The following HS3ST2 variants were observed in gnomAD, a reference collection of about 807,000 sequenced individuals.
HS3ST2 encodes the protein heparan sulfate-glucosamine 3-sulfotransferase 2.
A neutral mutation model predicts 26.3 loss-of-function variants in HS3ST2; 17 were observed. That is an observed-to-expected ratio of 0.65 (90% confidence interval 0.44 to 0.97). The LOEUF is 0.97. Among genes scored for constraint, HS3ST2 ranks in the 50% least tolerant of loss-of-function variants. HS3ST2 has a pLI of 0.00. For synonymous variants in HS3ST2, 237 were observed against 219.2 expected (o/e 1.08, Z -0.72); for missense variants, 402 against 501.2 (o/e 0.80, Z 1.89).
intron 1 of HS3ST2, among the ~76,000 whole-genome samples, chr16:22,845,266 C>T (rs1311023682): frequency 6.7e-6 from 1 of 148,228 alleles, no homozygotes; most frequent in Admixed American, 6.6e-5. Flanking sequence ...CTGTAGACTA[C>T]TGTAGCATCA....
In HS3ST2 at chr16:22,915,850, T is replaced by C; in HGVS notation, c.*288T>C. On this transcript the variant is annotated 3_prime_UTR_variant, in exon 2 of 2. Transcript: ENST00000261374. ...CATAAAGGGCCTTGGAGAATTGCTT[T>C]AAGAAGAGTGAATGTTCCAATGATG... The C allele has an allele frequency of 2.3e-6, 1 of 426,198 alleles. No homozygotes were observed. 26.4% of individuals were successfully genotyped at this position (426,198 alleles called of 1,614,324 possible).
intron 1 of HS3ST2, among the ~76,000 whole-genome samples, chr16:22,873,233 G>C (rs778159081): frequency 6.6e-6 from 1 of 152,162 alleles, no homozygotes; most frequent in African/African-American, 2.4e-5. Context: ...ATCACTCCAA[G>C]GGAAAACCAG....
At chr16:22,819,153 T>C (rs1596602003) in intron 1 of HS3ST2, among the ~76,000 whole-genome samples, 2 of 106,976 alleles carry the variant, frequency 1.9e-5, no homozygotes, top group African/African-American at 3.8e-5. Flanking sequence ...CCTTCCTTCC[T>C]TCCCTCCTTC....
chr16:22,887,207 A>G (rs1357960085), intron 1 of HS3ST2, among the ~76,000 whole-genome samples: 3 of 152,234 alleles, frequency 2.0e-5, no homozygotes, highest in African/African-American at 7.2e-5. Context: ...TCTTCAGCAC[A>G]TGACCTTGCT....
rs763949552 is a variant in HS3ST2 at position 22,915,487 on chromosome 16, C to T, written c.1029C>T (p.Asp343=). 5.6e-6 allele frequency: 9 copies of T among 1,613,762 alleles called. No individual in the cohort carries two copies. The highest frequency in any genetic ancestry group is 7.6e-6 in the Non-Finnish European group (9 of 1,179,954). The change falls in exon 2 of 2, where the codon GAC becomes GAT. Residue 343 remains aspartate, a synonymous_variant. Coordinates refer to ENST00000261374, the MANE Select transcript of HS3ST2 (RefSeq NM_006043.2). ...TACAGATTGATCCTGAAGTGATAGA[C>T]CAGCTCCGAGAATTTTATAGACCGT... is the stretch of plus-strand genomic sequence containing the variant. ...THVQIDPEVI[D]QLREFYRPYN...
chr16:22,843,516 G>C (rs1901388626), intron 1 of HS3ST2, among the ~76,000 whole-genome samples: 1 of 152,150 alleles, frequency 6.6e-6, no homozygotes. Context: ...TGTTAGAGTG[G>C]CTCACAGAAT....
chr16:22,895,551 A>G (rs1346565226), intron 1 of HS3ST2, among the ~76,000 whole-genome samples: 2 of 152,174 alleles, frequency 1.3e-5, no homozygotes, highest in African/African-American at 2.4e-5. Context: ...TTCATATAAA[A>G]TGTTCCTGCC....
In HS3ST2 at chr16:22,814,871, C is replaced by A. The variant is rs768333364; in HGVS notation, c.261C>A (p.Ser87Arg). 3 of 1,557,836 alleles carry A rather than the reference C, an allele frequency of 1.9e-6. No homozygotes were observed. Among genetic ancestry groups the A allele is most frequent in the East Asian group, 2.4e-5 (1 of 41,358 alleles). The change falls in exon 1 of 2, where the codon AGC becomes AGA. Residue 87 changes from serine (S) to arginine (R), a missense_variant. Transcript: ENST00000261374. ...GPTPSEPSAP[S>R]APAAAVPAPR... ...CGCCCAGCGAGCCCAGCGCTCCCAG[C>A]GCGCCCGCCGCCGCCGTGCCCGCCC...
intron 1 of HS3ST2, among the ~76,000 whole-genome samples, chr16:22,879,836 A>C (rs1901964122): frequency 1.3e-5 from 2 of 152,166 alleles, no homozygotes; most frequent in Non-Finnish European, 2.9e-5. Context: ...AAGATAAGGC[A>C]GTCACTTCTG....
At chr16:22,914,736 CAAAAAAAAAAAAAAAA>C (rs1159639879) in intron 1 of HS3ST2, among the ~76,000 whole-genome samples, 192 bp from the exon 2 acceptor site, 9 of 35,944 alleles carry the variant, frequency 2.5e-4, no homozygotes, top group Non-Finnish European at 5.0e-5. Context: ...GACCTTGTCT[CAAAAAAAAAAAAAAAA>C]AAAAAAAAAA....
At chr16:22,842,309 C>T (rs112352528) in intron 1 of HS3ST2, among the ~76,000 whole-genome samples, 2,965 of 152,104 alleles carry the variant, frequency 0.019, 107 homozygotes, top group African/African-American at 0.067. Context: ...GTAATTCACC[C>T]GCCTCAGCCT....
At chr16:22,847,927 G>A (rs1345563299) in intron 1 of HS3ST2, among the ~76,000 whole-genome samples, 1 of 147,174 alleles carries the variant, frequency 6.8e-6, no homozygotes, top group African/African-American at 2.4e-5. Flanking sequence ...GGAAGAAAAG[G>A]AAGGAAGGAA....
chr16:22,908,426 C>A (rs1902381974), intron 1 of HS3ST2, among the ~76,000 whole-genome samples: 1 of 152,086 alleles, frequency 6.6e-6, no homozygotes, highest in Non-Finnish European at 1.5e-5. Flanking sequence ...GTGTCTTAGT[C>A]CATTTTCTGT....
chr16:22,835,392 C>T (rs1256693651), intron 1 of HS3ST2, among the ~76,000 whole-genome samples: 1 of 152,066 alleles, frequency 6.6e-6, no homozygotes, highest in African/African-American at 2.4e-5. Context: ...TCCAAACCTC[C>T]CTATTCCCCA....
intron 1 of HS3ST2, among the ~76,000 whole-genome samples, chr16:22,846,432 T>C (rs1309228917): frequency 6.6e-6 from 1 of 152,160 alleles, no homozygotes; most frequent in Non-Finnish European, 1.5e-5. Flanking sequence ...TGGTCTTATT[T>C]TGTACCTTCA....
At chr16:22,911,316 T>C (rs1902422772) in intron 1 of HS3ST2, among the ~76,000 whole-genome samples, 14 of 152,128 alleles carry the variant, frequency 9.2e-5, no homozygotes, top group Admixed American at 7.9e-4. Context: ...GTTCATTGGG[T>C]ACAGAGAAGG....
chr16:22,832,341 T>A (rs1382146070), intron 1 of HS3ST2, among the ~76,000 whole-genome samples: 2 of 152,022 alleles, frequency 1.3e-5, no homozygotes, highest in African/African-American at 4.8e-5. Flanking sequence ...GAAACATCCC[T>A]GATTATAGAA....
rs770996369 is a variant in HS3ST2 at position 22,874,558 on chromosome 16, CTG to C, written c.486-40383_486-40382del. ...GACCATAGGCAGTGAGCCCATATGG[CTG>C]TGAGTCTGTCTCCTGGGTGCCAAAC... On this transcript the variant is annotated intron_variant, in intron 1 of 1. Coordinates refer to ENST00000261374, the MANE Select transcript of HS3ST2 (RefSeq NM_006043.2). Among the ~76,000 whole-genome samples the C allele has an allele frequency of 3.3e-5, 5 of 152,210 alleles. No homozygotes were observed. The East Asian group carries it at 9.6e-4, about 29-fold the overall frequency.
chr16:22,845,933 TG>T (rs1171595258), intron 1 of HS3ST2, among the ~76,000 whole-genome samples: 3 of 152,218 alleles, frequency 2.0e-5, no homozygotes, highest in African/African-American at 7.2e-5. Flanking sequence ...CACTTCAGAC[TG>T]GTTGCAGCAT....
Sources: gnomAD v4.1 joint callset for allele counts (sites outside exome capture counted in the v4.1 genomes callset) on GRCh38, gnomAD v4.1.1 for gene constraint, MANE v1.5 for transcripts, NCBI Gene and HGNC (gene_info 2026-07-23, HGNC 2026-07-21) for gene names.